CLEC12A: variants seen among roughly 807,000 people sequenced by gnomAD.
The protein encoded by CLEC12A is C-type lectin protein CLL-1.
CLEC12A carries 22 observed loss-of-function variants against 26.5 expected under a neutral mutation model. The observed-to-expected ratio is 0.83, with a 90% CI of 0.59 to 1.19. The LOEUF (loss-of-function observed/expected upper bound fraction) is 1.19. Ranked by LOEUF, CLEC12A falls within the 50% of genes most tolerant of loss-of-function variation. The probability of loss-of-function intolerance (pLI) is 0.00; values close to 1 mark genes in which losing one functional copy is unlikely to be tolerated. For synonymous variants in CLEC12A, 119 were observed against 101.9 expected (o/e 1.17, Z -1.01); for missense variants, 353 against 315.6 (o/e 1.12, Z -0.90).
chr12:9,973,986 C>G (rs1591825178), intron 1 of CLEC12A, among the ~76,000 whole-genome samples: 1 of 152,142 alleles, frequency 6.6e-6, no homozygotes, highest in East Asian at 1.9e-4. Context: ...CCTTTCACAA[C>G]TCAACTTTTG....
chr12:10,000,862 C>G, the CLEC12A span, among the ~76,000 whole-genome samples: 1 of 152,192 alleles, frequency 6.6e-6, no homozygotes, highest in Non-Finnish European at 1.5e-5. Flanking sequence ...CTTTCACGTT[C>G]TTTTGGTCAC....
At chr12:9,971,728 T>C (rs1864135442) in intron 1 of CLEC12A, 41 bp downstream of exon 1, 4 of 1,560,772 alleles carry the variant, frequency 2.6e-6, no homozygotes, top group Admixed American at 3.6e-5. Context: ...GTTTGTATAA[T>C]AGAAGTGGTT....
At chr12:9,951,419 G>A in intron 1 of CLEC12A, 1 of 702,540 alleles carries the variant, frequency 1.4e-6, no homozygotes, top group Non-Finnish European at 2.6e-6. Context: ...AAATTCTGAA[G>A]GAATTTCCAT....
Position 9,976,667 on chromosome 12 carries a change from T to C in CLEC12A, c.92-2299T>C, listed in dbSNP as rs1864349584. 1.3e-5 allele frequency among the ~76,000 whole-genome samples: 2 copies of C among 152,104 alleles called. 1 individual carries two copies. The highest frequency in any genetic ancestry group is 4.1e-4 in the South Asian group (2 of 4,826). On this transcript the variant is annotated intron_variant, in intron 1 of 5. Transcript: ENST00000304361. ...TCTTTTGGGGACTGTTGGGAAGGCA[T>C]GATTGGTTTTGAAATGTGAGACATG... is the stretch of plus-strand genomic sequence containing the variant.
intron 4 of CLEC12A, among the ~76,000 whole-genome samples, 167 bp downstream of exon 4, chr12:9,980,900 G>A (rs1249694441): frequency 6.6e-6 from 1 of 152,140 alleles, no homozygotes; most frequent in African/African-American, 2.4e-5. Context: ...AAACATACAA[G>A]TTTAGGACCT....
chr12:9,966,348 A>C (rs1355029237), intron 1 of CLEC12A, among the ~76,000 whole-genome samples: 1 of 152,130 alleles, frequency 6.6e-6, no homozygotes, highest in Non-Finnish European at 1.5e-5. Context: ...TTAAGCCGAG[A>C]AGATCTGGGA....
intron 4 of CLEC12A, among the ~76,000 whole-genome samples, chr12:9,990,683 G>A (rs926512323): frequency 1.3e-5 from 2 of 152,182 alleles, no homozygotes; most frequent in Admixed American, 6.5e-5. Flanking sequence ...AGCAGTAGCA[G>A]GATTTGAGAG....
intron 1 of CLEC12A, among the ~76,000 whole-genome samples, chr12:9,955,095 C>CT (rs543071827): frequency 4.3e-4 from 66 of 152,166 alleles, no homozygotes; most frequent in Non-Finnish European, 8.4e-4. Flanking sequence ...CTTTATGTTT[C>CT]TTTTTTTTAA....
downstream of CLEC12A, chr12:9,997,131 G>A: frequency 1.9e-6 from 3 of 1,613,392 alleles, no homozygotes; most frequent in Non-Finnish European, 1.7e-6. Context: ...GGGTTGGAGA[G>A]ATGAAGAGGT....
chr12:9,983,255 T>C (rs1254338951), intron 5 of CLEC12A, among the ~76,000 whole-genome samples: 1 of 152,242 alleles, frequency 6.6e-6, no homozygotes, highest in East Asian at 1.9e-4. Flanking sequence ...TAACTTCCAT[T>C]CTGAAATGGG....
chr12:9,997,427 G>C (rs1865081329), downstream of CLEC12A: 1 of 697,366 alleles, frequency 1.4e-6, no homozygotes, highest in Admixed American at 2.9e-5. Context: ...TGAAAAGTGT[G>C]GAGGGGCTAT....
chr12:9,982,179 A>G (rs1244256963), intron 5 of CLEC12A, 50 bp downstream of exon 5: 2 of 994,886 alleles, frequency 2.0e-6, no homozygotes, highest in East Asian at 2.4e-5. Flanking sequence ...GAGTAGAGGT[A>G]TTTTCCTTAG....
At chr12:9,952,171 G>GTCTCCC (rs1249212640) in intron 1 of CLEC12A, 51 of 50,482 alleles carry the variant, frequency 1.0e-3, no homozygotes, top group African/African-American at 3.5e-3. Context: ...CTCCCTCTCC[G>GTCTCCC]TCTCCCTCTC....
chr12:9,999,514 A>G (rs1865129890), downstream of CLEC12A, among the ~76,000 whole-genome samples: 1 of 152,196 alleles, frequency 6.6e-6, no homozygotes, highest in Non-Finnish European at 1.5e-5. Context: ...ATTCATGGAT[A>G]TAGCTCACCA....
At chr12:9,996,772 A>C (rs769238483), downstream of CLEC12A, 66 of 1,513,426 alleles carry the variant, frequency 4.4e-5, no homozygotes, top group African/African-American at 8.5e-4. Flanking sequence ...TGTAAAAAAC[A>C]AAAAAAGGTC....
At chr12:9,999,086 A>G (rs776145711), downstream of CLEC12A, 11 of 1,610,466 alleles carry the variant, frequency 6.8e-6, no homozygotes, top group Admixed American at 1.0e-4. Flanking sequence ...TGATGTATCC[A>G]TCTTCATCCT....
intron 5 of CLEC12A, chr12:9,983,642 A>G (rs1229767599): frequency 1.8e-5 from 11 of 621,904 alleles, no homozygotes; most frequent in Non-Finnish European, 3.2e-5. Flanking sequence ...CTCTGAGTCA[A>G]CTGTGTTGAG....
intron 1 of CLEC12A, among the ~76,000 whole-genome samples, chr12:9,962,914 T>G (rs1037839519): frequency 6.6e-6 from 1 of 152,076 alleles, no homozygotes; most frequent in African/African-American, 2.4e-5. Context: ...GCAAAAATTT[T>G]GGGGGCTTGG....
At chr12:9,997,229 T>G (rs778428448), downstream of CLEC12A, 1 of 1,613,742 alleles carries the variant, frequency 6.2e-7, no homozygotes, top group South Asian at 1.1e-5. Context: ...TGTTGCAGAG[T>G]TCCTGTGCGA....
Sources: gnomAD v4.1 joint callset for allele counts (sites outside exome capture counted in the v4.1 genomes callset) on GRCh38, gnomAD v4.1.1 for gene constraint, MANE v1.5 for transcripts, NCBI Gene and HGNC (gene_info 2026-07-23, HGNC 2026-07-21) for gene names.